Variants in DPYD observed in about 807,000 individuals in gnomAD.
DPYD encodes dihydropyrimidine dehydrogenase, also known as dihydropyrimidine dehydrogenase [NADP(+)].
In DPYD, 109 loss-of-function variants were observed where a neutral mutation model predicts 116.2. The ratio of observed to expected loss-of-function variants is 0.94; its 90% CI spans 0.80 to 1.10. The LOEUF (loss-of-function observed/expected upper bound fraction) is 1.10. Among genes scored for constraint, DPYD ranks in the 50% least tolerant of loss-of-function variants. DPYD has a pLI of 0.00. For synonymous variants in DPYD, 440 were observed against 432.0 expected (o/e 1.02, Z -0.23); for missense variants, 1,302 against 1,254.5 (o/e 1.04, Z -0.57).
intron 20 of DPYD, among the ~76,000 whole-genome samples, chr1:97,108,214 G>A (rs994368792): frequency 1.3e-5 from 2 of 152,088 alleles, no homozygotes; most frequent in Non-Finnish European, 2.9e-5. Flanking sequence ...GCACTCACTT[G>A]GGAATTAGGA....
At chr1:97,132,917 C>T (rs1653444735) in intron 20 of DPYD, among the ~76,000 whole-genome samples, 1 of 151,994 alleles carries the variant, frequency 6.6e-6, no homozygotes, top group Admixed American at 6.6e-5. Context: ...CTAAAGTCAT[C>T]AATATTTATG....
In DPYD at chr1:97,193,181, A is replaced by G; in HGVS notation, c.2510T>C (p.Leu837Pro). ...TTCTTCAATGCTTTTCAGATAAAGC[A>G]GGGCTTTGAGGCCAGTGCAGTAGTC... ...IEDYCTGLKA[L>P]LYLKSIEELQ... Residue 837 changes from leucine (L) to proline (P), a missense_variant, in exon 20 of 23, where the codon CTG becomes CCG. Coordinates refer to ENST00000370192, the MANE Select transcript of DPYD (RefSeq NM_000110.4). 6.2e-7 allele frequency: 1 copy of G among 1,614,032 alleles called. No individual in the cohort carries two copies. The highest frequency in any genetic ancestry group is 1.1e-5 in the South Asian group (1 of 91,082).
chr1:97,603,119 C>T (rs373052753), intron 8 of DPYD, among the ~76,000 whole-genome samples: 43 of 152,012 alleles, frequency 2.8e-4, no homozygotes, highest in African/African-American at 9.9e-4. Flanking sequence ...TTAATCCCCG[C>T]ATTGTGAAGT....
intron 10 of DPYD, among the ~76,000 whole-genome samples, chr1:97,592,384 T>G (rs1284922485): frequency 6.6e-6 from 1 of 152,200 alleles, no homozygotes; most frequent in Non-Finnish European, 1.5e-5. Context: ...ACTATTTTTT[T>G]GAGACAGAGT....
intron 13 of DPYD, among the ~76,000 whole-genome samples, chr1:97,513,651 T>C (rs958352700): frequency 3.3e-5 from 5 of 151,838 alleles, no homozygotes; most frequent in African/African-American, 1.2e-4. Context: ...CACCGAAATG[T>C]ATAGTACATG....
At chr1:97,904,696 G>T (rs1296972500) in intron 1 of DPYD, among the ~76,000 whole-genome samples, 1 of 151,974 alleles carries the variant, frequency 6.6e-6, no homozygotes, top group African/African-American at 2.4e-5. Flanking sequence ...TGTTGAAGGA[G>T]CTATTTCAAA....
chr1:97,717,841 T>C (rs1662699379), intron 5 of DPYD, among the ~76,000 whole-genome samples: 1 of 151,994 alleles, frequency 6.6e-6, no homozygotes, highest in Non-Finnish European at 1.5e-5. Context: ...TGTGTGTTTG[T>C]ATCACATTTT....
intron 18 of DPYD, among the ~76,000 whole-genome samples, chr1:97,252,671 C>T (rs1381581938): frequency 6.6e-6 from 1 of 152,134 alleles, no homozygotes. Context: ...CTGTTTTTCT[C>T]AACAGAGCTC....
At chr1:97,332,324 T>C (rs754879994) in intron 16 of DPYD, among the ~76,000 whole-genome samples, 1 of 152,244 alleles carries the variant, frequency 6.6e-6, no homozygotes, top group African/African-American at 2.4e-5. Flanking sequence ...AAAATGTACA[T>C]GTATAAAACA....
intron 16 of DPYD, among the ~76,000 whole-genome samples, chr1:97,358,311 C>T (rs895137035): frequency 2.6e-5 from 4 of 152,190 alleles, no homozygotes; most frequent in Admixed American, 6.5e-5. Flanking sequence ...AGCTAGAACT[C>T]GGTGGAGCCC....
At chr1:97,897,844 T>G (rs911348212) in intron 1 of DPYD, among the ~76,000 whole-genome samples, 1 of 151,954 alleles carries the variant, frequency 6.6e-6, no homozygotes, top group Admixed American at 6.6e-5. Context: ...TTAATTTTTA[T>G]CCTCATTATG....
chr1:97,834,190 T>C lies in DPYD; in HGVS notation c.151-5994A>G, dbSNP rs553452342. Among the ~76,000 whole-genome samples, 184 of 152,150 alleles carry C rather than the reference T, an allele frequency of 1.2e-3. No individual in the cohort carries two copies. The Middle Eastern group carries it at 0.024, about 20-fold the overall frequency. ...TCTATTGCTGTTTGACAATAAAGCA[T>C]CTTAAGTTCAAACATCAAATTTCTA... On this transcript the variant is annotated intron_variant, in intron 2 of 22. Transcript: ENST00000370192.
At chr1:97,856,493 T>C (rs1264033257) in intron 2 of DPYD, 1 of 152,220 alleles carries the variant, frequency 6.6e-6, no homozygotes, top group Non-Finnish European at 1.5e-5. Context: ...GACAGTTCTG[T>C]TGTGTGAGTG....
chr1:97,636,458 A>G (rs1472504222), intron 8 of DPYD, among the ~76,000 whole-genome samples: 16 of 152,088 alleles, frequency 1.1e-4, no homozygotes, highest in Admixed American at 6.6e-4. Context: ...TGATCTTTAT[A>G]AATAAAATAT....
intron 16 of DPYD, among the ~76,000 whole-genome samples, chr1:97,364,097 C>T (rs1670901208): frequency 1.3e-5 from 2 of 151,962 alleles, no homozygotes; most frequent in Non-Finnish European, 2.9e-5. Context: ...TACTGTTATC[C>T]CTTCATATAT....
chr1:97,250,931 C>G (rs1663043927), intron 18 of DPYD, among the ~76,000 whole-genome samples: 1 of 152,032 alleles, frequency 6.6e-6, no homozygotes, highest in Non-Finnish European at 1.5e-5. Flanking sequence ...TTTAACTATA[C>G]TCCATTAAAA....
intron 18 of DPYD, among the ~76,000 whole-genome samples, chr1:97,292,933 AGTATTGGAGT>A (rs1666307133): frequency 6.6e-6 from 1 of 152,214 alleles, no homozygotes; most frequent in South Asian, 2.1e-4. Flanking sequence ...ATTTCATTTT[AGTATTGGAGT>A]AAACTAAAAA....
chr1:97,445,153 C>T (rs1037691520), intron 14 of DPYD, among the ~76,000 whole-genome samples: 3 of 152,164 alleles, frequency 2.0e-5, no homozygotes, highest in Non-Finnish European at 2.9e-5. Context: ...TGCTGACCGA[C>T]TTCCCCTCTT....
At chr1:97,913,910 G>A (rs1358457664) in intron 1 of DPYD, among the ~76,000 whole-genome samples, 1 of 151,940 alleles carries the variant, frequency 6.6e-6, no homozygotes, top group Non-Finnish European at 1.5e-5. Context: ...ATCAGGCCTG[G>A]AGTTGACATG....
Sources: gnomAD v4.1 joint callset for allele counts (sites outside exome capture counted in the v4.1 genomes callset) on GRCh38, gnomAD v4.1.1 for gene constraint, MANE v1.5 for transcripts, NCBI Gene and HGNC (gene_info 2026-07-23, HGNC 2026-07-21) for gene names.